Variants in PTN observed in about 807,000 individuals in gnomAD.
PTN encodes pleiotrophin.
Under a neutral mutation model 24.1 loss-of-function variants are expected in PTN, and 18 were observed. That is an observed-to-expected ratio of 0.75 (90% CI 0.52 to 1.11). PTN has a LOEUF of 1.11. Among genes scored for constraint, PTN ranks in the 50% least tolerant of loss-of-function variants. The pLI, the probability that PTN is intolerant of heterozygous loss-of-function variation, is 0.00. For synonymous variants in PTN, 78 were observed against 68.6 expected (o/e 1.14, Z -0.67); for missense variants, 163 against 198.8 (o/e 0.82, Z 1.08).
At chr7:137,324,113 G>A (rs1810210426) in intron 1 of PTN, among the ~76,000 whole-genome samples, 1 of 152,044 alleles carries the variant, frequency 6.6e-6, no homozygotes, top group Admixed American at 6.6e-5. Context: ...ACAAATTCTA[G>A]AAGACTGCTA....
At chr7:137,308,413 G>A (rs1020314878) in intron 1 of PTN, among the ~76,000 whole-genome samples, 13 of 152,114 alleles carry the variant, frequency 8.5e-5, no homozygotes, top group African/African-American at 1.2e-4. Flanking sequence ...ACAAATGTAC[G>A]TACATACATA....
At chr7:137,272,075 A>G (rs773834161) in intron 1 of PTN, among the ~76,000 whole-genome samples, 2 of 152,214 alleles carry the variant, frequency 1.3e-5, no homozygotes, top group Non-Finnish European at 2.9e-5. Flanking sequence ...AGCATGCCAA[A>G]CACTGACTGT....
intron 1 of PTN, among the ~76,000 whole-genome samples, chr7:137,258,891 T>C (rs1808982816): frequency 6.6e-6 from 1 of 152,096 alleles, no homozygotes; most frequent in African/African-American, 2.4e-5. Flanking sequence ...GTGATCAGGA[T>C]CGTGGCATAT....
At chr7:137,333,439 C>T (rs549163556) in intron 1 of PTN, among the ~76,000 whole-genome samples, 7 of 152,144 alleles carry the variant, frequency 4.6e-5, no homozygotes, top group Non-Finnish European at 1.0e-4. Context: ...ACAATATGTT[C>T]CTTATTAATT....
chr7:137,286,393 C>A (rs1257269089), intron 1 of PTN, among the ~76,000 whole-genome samples: 1 of 152,198 alleles, frequency 6.6e-6, no homozygotes, highest in East Asian at 1.9e-4. Flanking sequence ...TGTTTCATTA[C>A]ACTGAAAATC....
At chr7:137,256,229 G>A (rs1427258558) in intron 1 of PTN, among the ~76,000 whole-genome samples, 3 of 151,888 alleles carry the variant, frequency 2.0e-5, no homozygotes, top group Non-Finnish European at 2.9e-5. Context: ...AGATACATGT[G>A]CAGAATGTGC....
chr7:137,279,325 A>G (rs1221891890), intron 1 of PTN, among the ~76,000 whole-genome samples: 1 of 152,210 alleles, frequency 6.6e-6, no homozygotes, highest in Non-Finnish European at 1.5e-5. Flanking sequence ...TGGTCATCTA[A>G]TCAGTTAGAG....
intron 1 of PTN, among the ~76,000 whole-genome samples, chr7:137,309,146 T>C (rs1809937707): frequency 6.6e-6 from 1 of 152,184 alleles, no homozygotes; most frequent in Admixed American, 6.5e-5. Flanking sequence ...CCACTGCAAT[T>C]AAAGTGAACA....
intron 1 of PTN, among the ~76,000 whole-genome samples, chr7:137,341,121 T>C (rs1053802905): frequency 4.6e-5 from 7 of 152,104 alleles, no homozygotes; most frequent in African/African-American, 1.7e-4. Flanking sequence ...GAGAATGCCA[T>C]GTAAGTGAGA....
intron 1 of PTN, among the ~76,000 whole-genome samples, chr7:137,268,643 A>G (rs967990605): frequency 2.0e-5 from 3 of 152,190 alleles, no homozygotes; most frequent in Non-Finnish European, 4.4e-5. Flanking sequence ...TCTGTAGATA[A>G]CAACAGTTGC....
chr7:137,293,522 G>A (rs1809673381), intron 1 of PTN, among the ~76,000 whole-genome samples: 1 of 152,120 alleles, frequency 6.6e-6, no homozygotes, highest in Non-Finnish European at 1.5e-5. Context: ...GAGGAAGACA[G>A]AAATATTTTA....
intron 1 of PTN, among the ~76,000 whole-genome samples, chr7:137,262,377 T>C (rs1339187129): frequency 2.0e-5 from 3 of 152,190 alleles, no homozygotes. Context: ...CTAAAATAGA[T>C]TTCTTATCAT....
intron 1 of PTN, among the ~76,000 whole-genome samples, chr7:137,331,600 C>T (rs1810360873): frequency 6.6e-6 from 1 of 152,188 alleles, no homozygotes; most frequent in South Asian, 2.1e-4. Flanking sequence ...GGATGCCAAG[C>T]CCTGGAGCGA....
chr7:137,288,940 T>C (rs1261708146), intron 1 of PTN, among the ~76,000 whole-genome samples: 1 of 152,180 alleles, frequency 6.6e-6, no homozygotes, highest in African/African-American at 2.4e-5. Context: ...AATAATAATA[T>C]AAACCTCCCT....
At chr7:137,287,735 T>G (rs1266205209) in intron 1 of PTN, 1 of 152,152 alleles carries the variant, frequency 6.6e-6, no homozygotes. Context: ...ACTGATCACT[T>G]GATGACAATA....
chr7:137,314,187 G>A (rs976143671), intron 1 of PTN, among the ~76,000 whole-genome samples: 6 of 152,026 alleles, frequency 3.9e-5, no homozygotes, highest in East Asian at 1.9e-4. Flanking sequence ...TAAAATTTCC[G>A]GAAGGCTCTA....
chr7:137,290,287 C>A (rs1248265577), intron 1 of PTN, among the ~76,000 whole-genome samples: 1 of 152,162 alleles, frequency 6.6e-6, no homozygotes, highest in Non-Finnish European at 1.5e-5. Context: ...GGTGGGGACA[C>A]AGCCAAACTG....
chr7:137,238,605 G>A (rs1398805167), intron 4 of PTN, among the ~76,000 whole-genome samples: 1 of 152,124 alleles, frequency 6.6e-6, no homozygotes. Flanking sequence ...TGATCACTTG[G>A]TTTGGGAAGC....
intron 1 of PTN, among the ~76,000 whole-genome samples, chr7:137,324,433 A>AAAAAAAAATATATATATATATATAT: frequency 3.4e-4 from 30 of 88,738 alleles, no homozygotes; most frequent in African/African-American, 1.9e-3. Context: ...AAAAAAAAAA[A>AAAAAAAAATATATATATATATATAT]ATATATATAT....
Sources: gnomAD v4.1 joint callset for allele counts (sites outside exome capture counted in the v4.1 genomes callset) on GRCh38, gnomAD v4.1.1 for gene constraint, MANE v1.5 for transcripts, NCBI Gene and HGNC (gene_info 2026-07-23, HGNC 2026-07-21) for gene names.